IGSF5: variants seen among roughly 807,000 people sequenced by gnomAD.
The protein encoded by IGSF5 is immunoglobulin superfamily member 5.
IGSF5 carries 41 observed loss-of-function variants against 39.4 expected under a neutral mutation model. The observed-to-expected ratio is 1.04, with a 90% CI of 0.81 to 1.35. The LOEUF is 1.35. Ranked by LOEUF, IGSF5 falls within the 40% of genes most tolerant of loss-of-function variation. The pLI is 0.00. For missense variants in IGSF5, 487 were observed against 494.6 expected (o/e 0.98, Z 0.15); for synonymous variants, 183 against 175.3 (o/e 1.04, Z -0.34).
At chr21:39,770,710 G>A (rs1238469937) in intron 3 of IGSF5, among the ~76,000 whole-genome samples, 1 of 151,840 alleles carries the variant, frequency 6.6e-6, no homozygotes, top group Non-Finnish European at 1.5e-5. Flanking sequence ...CTTCTTCAGA[G>A]ACTCTGGCAG....
intron 3 of IGSF5, among the ~76,000 whole-genome samples, chr21:39,767,799 C>T (rs1024634407): frequency 2.6e-5 from 4 of 152,070 alleles, no homozygotes; most frequent in East Asian, 1.9e-4. Flanking sequence ...AGGTTCCAGT[C>T]GGGAGGGGAG....
At chr21:39,750,540 G>A (rs1415892541) in intron 2 of IGSF5, among the ~76,000 whole-genome samples, 1 of 149,852 alleles carries the variant, frequency 6.7e-6, no homozygotes, top group Non-Finnish European at 1.5e-5. Context: ...GTTCAGTATG[G>A]TGCTGAACAT....
chr21:39,726,169 A>G, the IGSF5 span: 1 of 152,330 alleles, frequency 6.6e-6, no homozygotes, highest in Non-Finnish European at 1.5e-5. Context: ...TCTCATGGGC[A>G]GGGTGGCAGA....
At chr21:39,764,049 A>G (rs1345281539) in intron 2 of IGSF5, among the ~76,000 whole-genome samples, 4 of 152,022 alleles carry the variant, frequency 2.6e-5, no homozygotes, top group Non-Finnish European at 5.9e-5. Flanking sequence ...GTTTATCCAA[A>G]TGCTGGCTTA....
chr21:39,770,862 A>G, intron 3 of IGSF5, 54 bp from the exon 4 acceptor site: 1 of 1,204,732 alleles, frequency 8.3e-7, no homozygotes, highest in Non-Finnish European at 1.1e-6. Context: ...AAGAAAACTT[A>G]GAAGCGAGAG....
At chr21:39,762,120 TC>T (rs1409412653) in intron 2 of IGSF5, among the ~76,000 whole-genome samples, 2 of 152,128 alleles carry the variant, frequency 1.3e-5, no homozygotes, top group Non-Finnish European at 2.9e-5. Flanking sequence ...GTGGATAAAC[TC>T]CTATAAAGAA....
upstream of IGSF5, among the ~76,000 whole-genome samples, chr21:39,743,838 C>T (rs920944752): frequency 2.0e-5 from 3 of 152,102 alleles, no homozygotes; most frequent in Admixed American, 6.5e-5. Flanking sequence ...GCTTTCTTCC[C>T]CTTGAAGAGA....
At position 39,760,924 on chromosome 21, in the gene IGSF5, T is replaced by A. The variant is rs147993128; in HGVS notation, c.101-4611T>A. Among the ~76,000 whole-genome samples, 499 of 152,182 alleles carry A rather than the reference T, an allele frequency of 3.3e-3. 1 individual carries two copies. Among genetic ancestry groups the A allele is most frequent in the Non-Finnish European group, 5.2e-3 (356 of 67,990 alleles). Reference sequence around the variant, plus strand: ...GATTATCTGTTTTTATCCTAAATGATGGAAATCTTTCAAACAAAGTCTGGG... The same window carrying A: ...GATTATCTGTTTTTATCCTAAATGAAGGAAATCTTTCAAACAAAGTCTGGG... On this transcript the variant is annotated intron_variant, in intron 2 of 8. Coordinates refer to ENST00000380588, the MANE Select transcript of IGSF5 (RefSeq NM_001080444.2).
chr21:39,778,978 C>T, intron 4 of IGSF5, 112 bp from the exon 5 acceptor site: 1 of 1,287,554 alleles, frequency 7.8e-7, no homozygotes, highest in Non-Finnish European at 1.1e-6. Flanking sequence ...CTAGCCATAG[C>T]AGGCTGAATA....
At chr21:39,793,658 T>A in intron 8 of IGSF5, 45 bp downstream of exon 8, 1 of 1,444,750 alleles carries the variant, frequency 6.9e-7, no homozygotes, top group Non-Finnish European at 9.7e-7. Flanking sequence ...TTTGGCTATT[T>A]AAAAATTCTT....
the IGSF5 span, among the ~76,000 whole-genome samples, chr21:39,731,535 T>C: frequency 3.3e-5 from 5 of 152,264 alleles, no homozygotes; most frequent in South Asian, 1.0e-3. Flanking sequence ...AAAGCAGAGT[T>C]TTTCCTCCGG....
chr21:39,798,149 C>T (rs775614093), intron 8 of IGSF5, among the ~76,000 whole-genome samples: 1 of 152,144 alleles, frequency 6.6e-6, no homozygotes, highest in African/African-American at 2.4e-5. Flanking sequence ...GTTTAAGCAG[C>T]TCTGCTTTTT....
At chr21:39,748,960 C>G (rs905468521) in intron 2 of IGSF5, among the ~76,000 whole-genome samples, 1 of 152,020 alleles carries the variant, frequency 6.6e-6, no homozygotes, top group Non-Finnish European at 1.5e-5. Context: ...ATAACACACA[C>G]AAAAATTAAC....
the IGSF5 span, among the ~76,000 whole-genome samples, chr21:39,728,400 C>T: frequency 2.2e-4 from 33 of 152,080 alleles, no homozygotes; most frequent in Non-Finnish European, 3.7e-4. Flanking sequence ...AGCCAAGGAG[C>T]GCCAAGGTTG....
chr21:39,795,341 C>G (rs1364712809), intron 8 of IGSF5, among the ~76,000 whole-genome samples: 1 of 152,014 alleles, frequency 6.6e-6, no homozygotes, highest in African/African-American at 2.4e-5. Flanking sequence ...GAGGGGCTCG[C>G]TCCCACCCCA....
At chr21:39,799,500 G>A (rs2087016607) in intron 8 of IGSF5, among the ~76,000 whole-genome samples, 1 of 151,976 alleles carries the variant, frequency 6.6e-6, no homozygotes, top group Non-Finnish European at 1.5e-5. Flanking sequence ...CTGCTTTGAG[G>A]AATTTTTTTT....
chr21:39,739,234 T>G, the IGSF5 span, among the ~76,000 whole-genome samples: 3 of 151,156 alleles, frequency 2.0e-5, no homozygotes, highest in Non-Finnish European at 4.4e-5. Context: ...CCCGCCCTCT[T>G]TTTCTTTTTT....
chr21:39,739,536 C>A, the IGSF5 span, among the ~76,000 whole-genome samples: 1 of 152,178 alleles, frequency 6.6e-6, no homozygotes, highest in Non-Finnish European at 1.5e-5. Flanking sequence ...TGGTCACCTT[C>A]CCAGCTAGGC....
intron 5 of IGSF5, among the ~76,000 whole-genome samples, chr21:39,785,904 A>G (rs182940813): frequency 5.9e-5 from 9 of 152,302 alleles, no homozygotes; most frequent in African/African-American, 1.7e-4. Flanking sequence ...GGCTAGCCAT[A>G]TATAGAAAGC....
Sources: allele counts gnomAD v4.1 joint callset (sites outside exome capture counted in the v4.1 genomes callset), GRCh38; gene constraint gnomAD v4.1.1; transcripts MANE v1.5; gene names NCBI Gene and HGNC (gene_info 2026-07-23, HGNC 2026-07-21).